SLC37A1: variants seen among roughly 807,000 people sequenced by gnomAD.
SLC37A1 encodes the protein solute carrier family 37 member 1.
Under a neutral mutation model 75.3 loss-of-function variants are expected in SLC37A1, and 49 were observed. That is an observed-to-expected ratio of 0.65 (90% CI 0.52 to 0.83). The LOEUF (loss-of-function observed/expected upper bound fraction) is 0.83. SLC37A1 is among the 40% of genes least tolerant of loss of function. The pLI is 0.00. For missense variants in SLC37A1, 566 were observed against 695.0 expected (o/e 0.81, Z 2.09); for synonymous variants, 268 against 292.1 (o/e 0.92, Z 0.84).
At chr21:42,556,615 A>G (rs2055698542) in intron 10 of SLC37A1, among the ~76,000 whole-genome samples, 1 of 152,204 alleles carries the variant, frequency 6.6e-6, no homozygotes, top group Non-Finnish European at 1.5e-5. Flanking sequence ...TGCACTGGCC[A>G]CAGAAGCCCC....
chr21:42,561,726 G>A (rs763850882), intron 11 of SLC37A1: 43 of 221,756 alleles, frequency 1.9e-4, no homozygotes, highest in Non-Finnish European at 3.7e-4. Context: ...ATTCAGAAAC[G>A]CCGTAGATAA....
At chr21:42,558,807 G>A (rs1187130080) in intron 10 of SLC37A1, 151 bp from the exon 11 acceptor site, 2 of 841,180 alleles carry the variant, frequency 2.4e-6, no homozygotes, top group African/African-American at 3.5e-5. Context: ...CTAACACAGT[G>A]GCCAGGTGGG....
chr21:42,562,909 T>A (rs2055870573), intron 12 of SLC37A1, among the ~76,000 whole-genome samples: 1 of 152,096 alleles, frequency 6.6e-6, no homozygotes, highest in Non-Finnish European at 1.5e-5. Context: ...AGAGGAGGCC[T>A]TTGAGAATGG....
chr21:42,501,691 G>A (rs957428001), intron 1 of SLC37A1, among the ~76,000 whole-genome samples: 13 of 152,318 alleles, frequency 8.5e-5, no homozygotes, highest in Middle Eastern at 3.4e-3. Flanking sequence ...TGGCCTGGGC[G>A]ACAAGAGACA....
intron 17 of SLC37A1, among the ~76,000 whole-genome samples, chr21:42,574,120 C>T (rs1412738110): frequency 6.6e-6 from 1 of 152,162 alleles, no homozygotes; most frequent in African/African-American, 2.4e-5. Context: ...CCCCTTTCCT[C>T]GTAACTATTC....
intron 10 of SLC37A1, among the ~76,000 whole-genome samples, chr21:42,556,377 G>T (rs2055691607): frequency 6.6e-6 from 1 of 152,220 alleles, no homozygotes; most frequent in Admixed American, 6.5e-5. Context: ...ACTCCACCGT[G>T]CACTTTGCAC....
At chr21:42,504,986 C>T (rs761622611) in intron 2 of SLC37A1, among the ~76,000 whole-genome samples, 10 of 152,198 alleles carry the variant, frequency 6.6e-5, no homozygotes, top group Admixed American at 1.3e-4. Context: ...CCAAATCCAT[C>T]TACTTTTTTC....
intron 15 of SLC37A1, among the ~76,000 whole-genome samples, chr21:42,566,602 C>T (rs1219725469): frequency 6.6e-6 from 1 of 152,146 alleles, no homozygotes; most frequent in Admixed American, 6.5e-5. Context: ...AGCTTCCTCA[C>T]CTGAGTGTGA....
At chr21:42,575,646 GC>G in intron 18 of SLC37A1, 1 of 985,504 alleles carries the variant, frequency 1.0e-6, no homozygotes, top group African/African-American at 1.7e-5. Flanking sequence ...CAGACCCACA[GC>G]CATGCCTCTC....
At position 42,563,844 on chromosome 21, in the gene SLC37A1, C is replaced by A. The variant is rs764281791; in HGVS notation, c.1102C>A (p.Leu368Ile). Residue 368 changes from leucine (L) to isoleucine (I), a missense_variant, in exon 13 of 20, where the codon CTC becomes ATC. Coordinates refer to ENST00000352133, the MANE Select transcript of SLC37A1 (RefSeq NM_001320537.2). ...DHLDAKKAGE[L>I]STLFDVGGIF... ...CCTTGATGCCAAAAAGGCGGGGGAG[C>A]TCTCCACCCTGTTTGACGTGGGCGG... 11 of 1,614,050 alleles carry A rather than the reference C, an allele frequency of 6.8e-6. No homozygotes were observed. Among genetic ancestry groups the A allele is most frequent in the Middle Eastern group, 1.6e-4 (1 of 6,084 alleles).
Position 42,513,939 on chromosome 21 carries a change from C to A in SLC37A1, c.-957C>A. The A allele has an allele frequency of 6.8e-6, 1 of 146,548 alleles. No individual in the cohort carries two copies. The highest frequency in any genetic ancestry group is 1.9e-4 in the South Asian group (1 of 5,172). The allele number at this position is 146,548 out of a possible 1,614,324, so 9.1% of individuals were successfully genotyped here. ...CGGCGGCGCAGGTGAGGCGCGGGGC[C>A]GGGGCCGGACCGGGAGGCGGGGACC... On this transcript the variant is annotated 5_prime_UTR_variant, in exon 1 of 20. Transcript: ENST00000352133.
At chr21:42,570,558 G>T (rs554986694) in intron 17 of SLC37A1, among the ~76,000 whole-genome samples, 3 of 152,304 alleles carry the variant, frequency 2.0e-5, no homozygotes, top group African/African-American at 7.2e-5. Context: ...TTGTGACTGC[G>T]TGGCCTTCTC....
At chr21:42,565,960 G>A (rs1276661379) in intron 15 of SLC37A1, 85 bp downstream of exon 15, 7 of 1,394,542 alleles carry the variant, frequency 5.0e-6, no homozygotes, top group Non-Finnish European at 7.1e-6. Context: ...AAAATCAACA[G>A]GCGCATTGAG....
intron 6 of SLC37A1, among the ~76,000 whole-genome samples, chr21:42,541,134 G>A (rs758974042): frequency 9.2e-5 from 14 of 152,236 alleles, no homozygotes; most frequent in African/African-American, 2.9e-4. Context: ...CATAAGGAGC[G>A]CACAACCTGG....
At chr21:42,538,876 T>A (rs1263227958) in intron 5 of SLC37A1, among the ~76,000 whole-genome samples, 2 of 152,212 alleles carry the variant, frequency 1.3e-5, no homozygotes, top group Non-Finnish European at 2.9e-5. Flanking sequence ...GGTAGCTGTT[T>A]AGTGAATCGC....
intron 2 of SLC37A1, among the ~76,000 whole-genome samples, chr21:42,518,932 C>A (rs879564922): frequency 1.5e-4 from 23 of 152,228 alleles, no homozygotes; most frequent in African/African-American, 5.3e-4. Context: ...TGGTGCAGCC[C>A]AGAATGCTGC....
At chr21:42,519,204 T>C (rs769664630) in intron 2 of SLC37A1, among the ~76,000 whole-genome samples, 6 of 152,204 alleles carry the variant, frequency 3.9e-5, no homozygotes, top group African/African-American at 7.2e-5. Flanking sequence ...TCACCACTTA[T>C]GTACGAGAGG....
At chr21:42,566,221 G>A (rs113496191) in intron 15 of SLC37A1, among the ~76,000 whole-genome samples, 11,801 of 152,248 alleles carry the variant, frequency 0.078, 1,347 homozygotes, top group African/African-American at 0.25. Context: ...AGCAGCCTGC[G>A]ACCTGCCACC....
intron 10 of SLC37A1, among the ~76,000 whole-genome samples, chr21:42,558,740 T>C (rs1484718161): frequency 6.6e-6 from 1 of 152,248 alleles, no homozygotes; most frequent in Non-Finnish European, 1.5e-5. Context: ...CTAGAATTTC[T>C]GGATCAGAGG....
Sources: gnomAD v4.1 joint callset for allele counts (sites outside exome capture counted in the v4.1 genomes callset) on GRCh38, gnomAD v4.1.1 for gene constraint, MANE v1.5 for transcripts, NCBI Gene and HGNC (gene_info 2026-07-23, HGNC 2026-07-21) for gene names.